Variants in PRR12 observed in about 807,000 individuals in gnomAD.
The protein encoded by PRR12 is proline rich 12, also known as proline-rich protein 12.
PRR12 carries 12 observed loss-of-function variants against 138.0 expected under a neutral mutation model. That is an observed-to-expected ratio of 0.09 (90% confidence interval 0.06 to 0.14). The LOEUF (loss-of-function observed/expected upper bound fraction) is 0.14. Among genes scored for constraint, PRR12 ranks in the 10% least tolerant of loss-of-function variants. The probability of loss-of-function intolerance (pLI) is 1.00; values close to 1 mark genes in which losing one functional copy is unlikely to be tolerated. For synonymous variants in PRR12, 1,567 were observed against 1,291.7 expected (o/e 1.21, Z -4.57); for missense variants, 2,692 against 2,861.3 (o/e 0.94, Z 1.35).
intron 6 of PRR12, among the ~76,000 whole-genome samples, chr19:49,611,652 G>C (rs1247255939): frequency 6.9e-6 from 1 of 145,026 alleles, no homozygotes; most frequent in Admixed American, 6.8e-5. Context: ...GGCCGGGCGC[G>C]GTGGCTCACG....
intron 6 of PRR12, among the ~76,000 whole-genome samples, 161 bp downstream of exon 6, chr19:49,602,079 C>T (rs181921946): frequency 2.6e-5 from 4 of 152,270 alleles, no homozygotes; most frequent in African/African-American, 7.2e-5. Context: ...GTGTCGAGGA[C>T]CTGCGGGCCT....
intron 6 of PRR12, among the ~76,000 whole-genome samples, 188 bp downstream of exon 6, chr19:49,602,106 G>A (rs535674207): frequency 2.0e-5 from 3 of 152,274 alleles, no homozygotes; most frequent in Middle Eastern, 3.4e-3. Context: ...TGTTATTTGC[G>A]TTTGTGTCTG....
At chr19:49,602,060 C>A in intron 6 of PRR12, 142 bp downstream of exon 6, 2 of 1,028,330 alleles carry the variant, frequency 1.9e-6, no homozygotes, top group Non-Finnish European at 1.4e-6. Flanking sequence ...TCCTATGGGG[C>A]TGATAGAGGT....
At position 49,594,908 on chromosome 19, in the gene PRR12, G is replaced by T; in HGVS notation, c.573G>T (p.Leu191=). ...TGTCCCCTCATGACGTGCTGCACCT[G>T]AAGCCCTCGCAGGCACCCACGGTGC... ...GLLSPHDVLH[L]KPSQAPTVPS... is the part of the protein sequence containing the mutation. Residue 191 remains leucine, a synonymous_variant, in exon 4 of 14, where the codon CTG becomes CTT. Coordinates refer to ENST00000418929, the MANE Select transcript of PRR12 (RefSeq NM_020719.3). This position sits in a 1 kb window ranked among gnomAD's most constrained non-coding sequence, Gnocchi z 5.6. 6.2e-7 allele frequency: 1 copy of T among 1,609,248 alleles called. No homozygotes were observed.
chr19:49,623,614 A>G (rs1480257292), intron 11 of PRR12, among the ~76,000 whole-genome samples: 1 of 151,760 alleles, frequency 6.6e-6, no homozygotes, highest in African/African-American at 2.4e-5. Flanking sequence ...CCTGGGCGAC[A>G]GAGCGAGACT....
At position 49,617,000 on chromosome 19, in the gene PRR12, T is replaced by C. The variant is rs11883388; in HGVS notation, c.5497+781T>C. ...CAAAAATTAGCCCAGCATGGTGGCG[T>C]GTGCCTGTAATCCCAGCTACTCAAC... On this transcript the variant is annotated intron_variant, in intron 9 of 13. Coordinates refer to ENST00000418929, the MANE Select transcript of PRR12 (RefSeq NM_020719.3). This position sits in a 1 kb window ranked among gnomAD's most constrained non-coding sequence, Gnocchi z 4.2. Among the ~76,000 whole-genome samples, 3,078 of 152,022 alleles carry C rather than the reference T, an allele frequency of 0.02. 108 individuals are homozygous for C. The highest frequency in any genetic ancestry group is 0.069 in the African/African-American group (2,877 of 41,440).
At chr19:49,605,125 AC>A (rs968759587) in intron 6 of PRR12, among the ~76,000 whole-genome samples, 6 of 151,826 alleles carry the variant, frequency 4.0e-5, no homozygotes, top group Non-Finnish European at 7.4e-5. Flanking sequence ...TGCTGGGATT[AC>A]AGGAATGAGC....
Sources: gnomAD v4.1 joint callset for allele counts (sites outside exome capture counted in the v4.1 genomes callset) on GRCh38, gnomAD v4.1.1 for gene constraint, Gnocchi (gnomAD v3.1) non-coding constraint, MANE v1.5 for transcripts, NCBI Gene and HGNC (gene_info 2026-07-23, HGNC 2026-07-21) for gene names.